The following PDE3A variants were observed in gnomAD, a reference collection of about 807,000 sequenced individuals.
PDE3A encodes the protein phosphodiesterase 3A.
In PDE3A, 43 loss-of-function variants were observed where a neutral mutation model predicts 98.3. The observed-to-expected ratio is 0.44, with a 90% CI of 0.34 to 0.56. The LOEUF (loss-of-function observed/expected upper bound fraction) is 0.56, where lower values mean the gene tolerates loss of function less well. PDE3A is among the 20% of genes least tolerant of loss of function. The probability of loss-of-function intolerance (pLI) is 0.01; values close to 1 mark genes in which losing one functional copy is unlikely to be tolerated. For missense variants in PDE3A, 1,427 were observed against 1,440.7 expected (o/e 0.99, Z 0.15); for synonymous variants, 663 against 567.9 (o/e 1.17, Z -2.38).
At chr12:20,412,897 C>G (rs977558769) in intron 1 of PDE3A, among the ~76,000 whole-genome samples, 10 of 152,100 alleles carry the variant, frequency 6.6e-5, no homozygotes, top group African/African-American at 2.2e-4. Flanking sequence ...AAATCAAATA[C>G]TGTAATAAGA....
At chr12:20,548,444 T>C (rs1034420355) in intron 1 of PDE3A, among the ~76,000 whole-genome samples, 2 of 146,534 alleles carry the variant, frequency 1.4e-5, no homozygotes, top group Non-Finnish European at 2.9e-5. Flanking sequence ...GAGACAAACA[T>C]TTTTTTTCTC....
intron 1 of PDE3A, among the ~76,000 whole-genome samples, chr12:20,393,843 G>A (rs1417851829): frequency 6.6e-6 from 1 of 152,006 alleles, no homozygotes. Context: ...TTATCACATG[G>A]TAGGCTTTTT....
At chr12:20,516,028 G>A (rs1406583332) in intron 1 of PDE3A, among the ~76,000 whole-genome samples, 3 of 150,306 alleles carry the variant, frequency 2.0e-5, no homozygotes, top group Non-Finnish European at 2.9e-5. Flanking sequence ...CACCGCGCCC[G>A]GCCTATTTTT....
chr12:20,525,837 C>T (rs1045969311), intron 1 of PDE3A, among the ~76,000 whole-genome samples: 1 of 152,042 alleles, frequency 6.6e-6, no homozygotes, highest in Admixed American at 6.6e-5. Context: ...AATCAGAAAA[C>T]TGTGCAATGA....
rs5796864 is a variant in PDE3A at position 20,494,872 on chromosome 12, C to CAAA, written c.961-61775_961-61773dup. Among the ~76,000 whole-genome samples the CAAA allele has an allele frequency of 7.9e-4, 114 of 143,614 alleles. 1 individual carries two copies. Among genetic ancestry groups the CAAA allele is most frequent in the African/African-American group, 1.6e-3 (63 of 39,136 alleles). The allele number at this position is 143,614 out of a possible 152,430, so 94.2% of individuals were successfully genotyped here. ...GAAAATAATATTTTAAACAATTCCGCAAAAAAAAAAAAAAATACATAAATA... is the reference window on the plus strand; with the variant it reads ...GAAAATAATATTTTAAACAATTCCGCAAAAAAAAAAAAAAAAAATACATAAATA... On this transcript the variant is annotated intron_variant, in intron 1 of 15. Coordinates refer to ENST00000359062, the MANE Select transcript of PDE3A (RefSeq NM_000921.5).
chr12:20,411,953 G>A (rs1205171441), intron 1 of PDE3A, among the ~76,000 whole-genome samples: 3 of 151,538 alleles, frequency 2.0e-5, no homozygotes, highest in Non-Finnish European at 4.4e-5. Flanking sequence ...TTTTCTCAGT[G>A]TTTATATCTG....
At chr12:20,660,187 TTGTA>T (rs1421917912) in intron 15 of PDE3A, among the ~76,000 whole-genome samples, 2 of 152,198 alleles carry the variant, frequency 1.3e-5, no homozygotes, top group Non-Finnish European at 2.9e-5. Context: ...ACTTCTCTCT[TTGTA>T]TGACCATGTG....
intron 1 of PDE3A, among the ~76,000 whole-genome samples, chr12:20,445,710 C>A (rs1246094903): frequency 6.6e-6 from 1 of 152,140 alleles, no homozygotes; most frequent in Non-Finnish European, 1.5e-5. Flanking sequence ...GCCGCCCTCA[C>A]TGTGTTGTTT....
intron 2 of PDE3A, among the ~76,000 whole-genome samples, chr12:20,598,784 A>G (rs961298915): frequency 2.0e-5 from 3 of 152,136 alleles, no homozygotes; most frequent in Admixed American, 6.5e-5. Flanking sequence ...TTATGTCGCC[A>G]TATCTCACCT....
At chr12:20,459,676 A>G (rs962993593) in intron 1 of PDE3A, among the ~76,000 whole-genome samples, 1 of 152,200 alleles carries the variant, frequency 6.6e-6, no homozygotes, top group Non-Finnish European at 1.5e-5. Flanking sequence ...AATCTGAAAT[A>G]TATACTTCAA....
At chr12:20,543,260 G>GTT (rs63600561) in intron 1 of PDE3A, among the ~76,000 whole-genome samples, 35 of 148,702 alleles carry the variant, frequency 2.4e-4, no homozygotes, top group Non-Finnish European at 2.7e-4. Context: ...TGGTTTGTTT[G>GTT]TTTTTTTTTT....
In PDE3A at chr12:20,466,865, T is replaced by C. The variant is rs575138506; in HGVS notation, c.961-89795T>C. Among the ~76,000 whole-genome samples the C allele has an allele frequency of 2.0e-5, 3 of 152,316 alleles. No individual in the cohort carries two copies. The South Asian group carries it at 6.2e-4, about 32-fold the overall frequency. On this transcript the variant is annotated intron_variant, in intron 1 of 15. Transcript: ENST00000359062. ...CCTCTCTTTTCCTCTCATCAATTTT[T>C]TGTTTGAAAGATAAATGAGATCTTC... is the stretch of plus-strand genomic sequence containing the variant.
chr12:20,544,747 C>T (rs1029855358), intron 1 of PDE3A, among the ~76,000 whole-genome samples: 2 of 151,740 alleles, frequency 1.3e-5, no homozygotes, highest in Non-Finnish European at 2.9e-5. Context: ...TTTCCATATC[C>T]ATAAAATATG....
intron 6 of PDE3A, 136 bp from the exon 7 acceptor site, chr12:20,633,557 A>AT (rs1402643193): frequency 2.0e-5 from 10 of 511,366 alleles, no homozygotes; most frequent in African/African-American, 1.2e-4. Context: ...CAAAATGCAT[A>AT]TTTTCACAAA....
At chr12:20,637,770 T>C (rs533979302) in intron 9 of PDE3A, among the ~76,000 whole-genome samples, 1 of 152,294 alleles carries the variant, frequency 6.6e-6, no homozygotes, top group East Asian at 1.9e-4. Flanking sequence ...TATTGTTTTC[T>C]TTAGGCTAGA....
intron 1 of PDE3A, among the ~76,000 whole-genome samples, chr12:20,415,381 C>T (rs1014897548): frequency 2.7e-5 from 4 of 149,600 alleles, no homozygotes; most frequent in South Asian, 2.2e-4. Flanking sequence ...CGGAATAAGC[C>T]GTTGGCCTCC....
rs539688822 is a variant in PDE3A at position 20,635,065 on chromosome 12, A to G, written c.2001+9A>G. On this transcript the variant is annotated intron_variant, in intron 8 of 15. Coordinates refer to ENST00000359062, the MANE Select transcript of PDE3A (RefSeq NM_000921.5). ...AGACCATGATGTTTCTGGTAGTCCCATATCACTTAACTCACTCATTTACTT... is the reference window on the plus strand; with the variant it reads ...AGACCATGATGTTTCTGGTAGTCCCGTATCACTTAACTCACTCATTTACTT... The G allele has an allele frequency of 6.2e-6, 10 of 1,606,242 alleles. No individual in the cohort carries two copies. In the African/African-American group the frequency reaches 8.0e-5, roughly 13 times the overall value.
At chr12:20,510,764 G>A (rs1476241549) in intron 1 of PDE3A, among the ~76,000 whole-genome samples, 1 of 151,986 alleles carries the variant, frequency 6.6e-6, no homozygotes, top group African/African-American at 2.4e-5. Context: ...CTGAAGTTGA[G>A]GAAGATTCCA....
chr12:20,439,501 G>A (rs1288683185), intron 1 of PDE3A, among the ~76,000 whole-genome samples: 1 of 151,550 alleles, frequency 6.6e-6, no homozygotes, highest in Non-Finnish European at 1.5e-5. Context: ...TGAGGAAAAT[G>A]AAATGAACTC....
Sources: allele counts gnomAD v4.1 joint callset (sites outside exome capture counted in the v4.1 genomes callset), GRCh38; gene constraint gnomAD v4.1.1; transcripts MANE v1.5; gene names NCBI Gene and HGNC (gene_info 2026-07-23, HGNC 2026-07-21).